Variants in SLC37A3 observed in about 807,000 individuals in gnomAD.
SLC37A3 encodes solute carrier family 37 member 3, also known as sugar phosphate exchanger 3.
SLC37A3 carries 51 observed loss-of-function variants against 67.1 expected under a neutral mutation model. That is an observed-to-expected ratio of 0.76 (90% confidence interval 0.61 to 0.96). SLC37A3 has a LOEUF of 0.96. Among genes scored for constraint, SLC37A3 ranks in the 40% least tolerant of loss-of-function variants. The probability of loss-of-function intolerance (pLI) is 0.00; values close to 1 mark genes in which losing one functional copy is unlikely to be tolerated. For synonymous variants in SLC37A3, 214 were observed against 231.4 expected, an observed-to-expected ratio of 0.92 and a Z score of 0.68; for missense variants, 508 against 603.0, an observed-to-expected ratio of 0.84 and a Z score of 1.65.
intron 6 of SLC37A3, among the ~76,000 whole-genome samples, chr7:140,357,754 C>T (rs147398215): frequency 1.5e-3 from 227 of 151,988 alleles, no homozygotes; most frequent in Middle Eastern, 6.8e-3. Context: ...CCCATCTGTA[C>T]TAAAAATGCA....
intron 1 of SLC37A3, among the ~76,000 whole-genome samples, chr7:140,384,994 A>C (rs1798396593): frequency 6.6e-6 from 1 of 152,214 alleles, no homozygotes; most frequent in African/African-American, 2.4e-5. Context: ...CAACTTGTAG[A>C]TAAAAGAAAC....
At chr7:140,370,149 G>GTAT (rs1797765526) in intron 3 of SLC37A3, among the ~76,000 whole-genome samples, 1 of 149,120 alleles carries the variant, frequency 6.7e-6, no homozygotes, top group African/African-American at 2.5e-5. Context: ...GAAATAACTA[G>GTAT]TTTTTTTTTT....
At chr7:140,393,706 C>G (rs574484077) in intron 1 of SLC37A3, among the ~76,000 whole-genome samples, 20 of 152,312 alleles carry the variant, frequency 1.3e-4, no homozygotes, top group Admixed American at 7.8e-4. Context: ...GTTACTACCT[C>G]TCTCATCTCT....
rs1028843866 is a variant in SLC37A3, at chr7:140,381,968, C to T, written c.89+470G>A. 6.9e-4 allele frequency among the ~76,000 whole-genome samples: 96 copies of T among 139,086 alleles called. 1 individual carries two copies. Among genetic ancestry groups the T allele is most frequent in the African/African-American group, 2.4e-3 (89 of 36,686 alleles). The allele number at this position is 139,086 out of a possible 152,430, so 91.2% of individuals were successfully genotyped here. A position where few individuals can be genotyped will look rare whatever the true frequency, so the allele number is the denominator to read the frequency against. On this transcript the variant is annotated intron_variant, in intron 2 of 14. Coordinates refer to ENST00000326232, the MANE Select transcript of SLC37A3 (RefSeq NM_207113.3). ...GGCGGAGGTTGCAGTGAGCTGAGGT[C>T]ATGCCACTGCACTCCAGCCTGGGCG...
intron 3 of SLC37A3, among the ~76,000 whole-genome samples, chr7:140,376,423 A>G (rs1458649787): frequency 6.6e-6 from 1 of 152,192 alleles, no homozygotes; most frequent in East Asian, 1.9e-4. Context: ...ATGTGATTCA[A>G]CCTGGTCTGA....
chr7:140,348,982 A>G (rs756884508), intron 9 of SLC37A3, among the ~76,000 whole-genome samples: 1 of 152,200 alleles, frequency 6.6e-6, no homozygotes, highest in Admixed American at 6.5e-5. Context: ...CATGTACAGC[A>G]GGCCTTTGGA....
At chr7:140,370,930 G>C (rs561632869) in intron 3 of SLC37A3, among the ~76,000 whole-genome samples, 13 of 152,180 alleles carry the variant, frequency 8.5e-5, no homozygotes, top group African/African-American at 2.6e-4. Flanking sequence ...CATAGAAAAC[G>C]ATCTTTGTAT....
intron 1 of SLC37A3, among the ~76,000 whole-genome samples, chr7:140,391,220 C>T (rs749221124): frequency 6.6e-6 from 1 of 152,170 alleles, no homozygotes; most frequent in Non-Finnish European, 1.5e-5. Context: ...TTAGACCCTC[C>T]AGGATCCAAA....
chr7:140,375,651 C>T (rs948745481), intron 3 of SLC37A3, among the ~76,000 whole-genome samples: 6 of 152,104 alleles, frequency 3.9e-5, no homozygotes, highest in African/African-American at 1.2e-4. Flanking sequence ...ATCCAGCTTA[C>T]GAACTACGAA....
chr7:140,347,758 C>CAAA (rs11436762), intron 10 of SLC37A3, among the ~76,000 whole-genome samples: 182 of 139,518 alleles, frequency 1.3e-3, no homozygotes, highest in African/African-American at 4.4e-3. Context: ...CTAGCTACAG[C>CAAA]AAAAAAAAAA....
rs1796068486 is a variant in SLC37A3, at chr7:140,334,741, G to A, written c.*671C>T. Reference sequence around the variant, plus strand: ...AGTCAAAGTTAATTTGAATGAAAATGGAAGAGAACAAGTTGACAATAATTT... The same window carrying A: ...AGTCAAAGTTAATTTGAATGAAAATAGAAGAGAACAAGTTGACAATAATTT... On this transcript the variant is annotated 3_prime_UTR_variant, in exon 15 of 15. Transcript: ENST00000326232. 6.3e-6 allele frequency: 1 copy of A among 158,904 alleles called. No homozygotes were observed. The highest frequency in any genetic ancestry group is 5.9e-5 in the Admixed American group (1 of 16,846). 9.8% of individuals were successfully genotyped at this position (158,904 alleles called of 1,614,324 possible).
At chr7:140,338,272 T>C (rs1796221036) in intron 13 of SLC37A3, among the ~76,000 whole-genome samples, 1 of 151,890 alleles carries the variant, frequency 6.6e-6, no homozygotes, top group Non-Finnish European at 1.5e-5. Flanking sequence ...ATTTCCAAAC[T>C]TTTTCATCAT....
At chr7:140,344,548 G>T (rs978748016) in intron 12 of SLC37A3, among the ~76,000 whole-genome samples, 3 of 152,094 alleles carry the variant, frequency 2.0e-5, no homozygotes, top group African/African-American at 7.2e-5. Context: ...CTGAGGTCAG[G>T]AGTTTGAGAC....
intron 11 of SLC37A3, 42 bp downstream of exon 11, chr7:140,345,827 T>G: frequency 3.4e-6 from 5 of 1,459,800 alleles, no homozygotes; most frequent in Non-Finnish European, 4.8e-6. Context: ...TCCAACCAGA[T>G]TAGGGGAGCA....
rs12703774 is a variant in SLC37A3 at position 140,351,263 on chromosome 7, C to T, written c.882+10G>A. On this transcript the variant is annotated intron_variant, in intron 9 of 14. Transcript: ENST00000326232. ...CTCCCTGGCTGTGGTAAGATGTAAG[C>T]GGTCCTTACCGGTATGACTCCAGGA... 0.45 allele frequency: 716,421 copies of T among 1,608,512 alleles called. 161,070 individuals are homozygous for T. Among genetic ancestry groups the T allele is most frequent in the Non-Finnish European group, 0.46 (543,634 of 1,176,282 alleles).
Position 140,335,096 on chromosome 7 carries a change from A to T in SLC37A3, c.*316T>A. On this transcript the variant is annotated 3_prime_UTR_variant, in exon 15 of 15. Coordinates refer to ENST00000326232, the MANE Select transcript of SLC37A3 (RefSeq NM_207113.3). ...AAAGTTCAAGTCCAAAACAACAGTT[A>T]AGGTTAAAACGCTAAACCTCAATAG... 2.2e-6 allele frequency: 2 copies of T among 893,500 alleles called. No individual in the cohort carries two copies. The highest frequency in any genetic ancestry group is 3.3e-6 in the Non-Finnish European group (2 of 604,520). The allele number at this position is 893,500 out of a possible 1,614,324, so 55.3% of individuals were successfully genotyped here.
Position 140,345,931 on chromosome 7 carries a change from T to C in SLC37A3, c.1064A>G (p.Lys355Arg), listed in dbSNP as rs768714025. ...ACTCAGGGCAAGAACCGGCGCTCTC[T>C]TCTGTAGTACATCAGAGATGAAGCC... ...LQGFISDVLQ[K>R]RAPVLALSLL... is the part of the protein sequence containing the mutation. Residue 355 changes from lysine to arginine, a missense_variant, in exon 11 of 15, where the codon AAG (lysine) becomes AGG (arginine). Coordinates refer to ENST00000326232, the MANE Select transcript of SLC37A3 (RefSeq NM_207113.3). The C allele has an allele frequency of 1.2e-6, 2 of 1,613,976 alleles. No homozygotes were observed. The highest frequency in any genetic ancestry group is 1.7e-6 in the Non-Finnish European group (2 of 1,179,970).
chr7:140,337,194 C>A, intron 14 of SLC37A3, 90 bp downstream of exon 14: 1 of 893,640 alleles, frequency 1.1e-6, no homozygotes, highest in Non-Finnish European at 1.6e-6. Flanking sequence ...TAAAAGCAAT[C>A]AACAGTTTTG....
chr7:140,347,247 C>CAAAAA (rs554765652), intron 10 of SLC37A3, among the ~76,000 whole-genome samples: 2 of 71,660 alleles, frequency 2.8e-5, no homozygotes, highest in African/African-American at 9.8e-5. Context: ...CCCCCATCTC[C>CAAAAA]AAAAAAAAAA....
Sources: allele counts gnomAD v4.1 joint callset (sites outside exome capture counted in the v4.1 genomes callset), GRCh38; gene constraint gnomAD v4.1.1; transcripts MANE v1.5; gene names NCBI Gene and HGNC (gene_info 2026-07-23, HGNC 2026-07-21).